The following SLU7 variants were observed in gnomAD, a reference collection of about 807,000 sequenced individuals.
The protein encoded by SLU7 is pre-mRNA-splicing factor SLU7.
A neutral mutation model predicts 87.0 loss-of-function variants in SLU7; 60 were observed. That is an observed-to-expected ratio of 0.69 (90% confidence interval 0.56 to 0.86). The LOEUF is 0.86. Among genes scored for constraint, SLU7 ranks in the 40% least tolerant of loss-of-function variants. SLU7 has a pLI of 0.00. For missense variants in SLU7, 507 were observed against 686.6 expected, an observed-to-expected ratio of 0.74 and a Z score of 2.92; for synonymous variants, 197 against 222.0, an observed-to-expected ratio of 0.89 and a Z score of 1.00.
At position 160,403,108 on chromosome 5, in the gene SLU7, T is replaced by G. The variant is rs1764854049; in HGVS notation, c.*177A>C. ...AAAAGCACACTTCATGTGCCTCTTCTTCTTTTCTTGTTTCCTCAGTATGGA... is the reference window on the plus strand; with the variant it reads ...AAAAGCACACTTCATGTGCCTCTTCGTCTTTTCTTGTTTCCTCAGTATGGA... On this transcript the variant is annotated 3_prime_UTR_variant, in exon 16 of 16. Transcript: ENST00000297151. 2.4e-6 allele frequency: 1 copy of G among 410,128 alleles called. No individual in the cohort carries two copies. The highest frequency in any genetic ancestry group is 2.1e-5 in the African/African-American group (1 of 48,746). 25.4% of individuals were successfully genotyped at this position (410,128 alleles called of 1,614,324 possible). A position where few individuals can be genotyped will look rare whatever the true frequency, so the allele number is the denominator to read the frequency against.
chr5:160,404,893 C>T lies in SLU7; in HGVS notation c.1393-13G>A, dbSNP rs1700975609. ...ACTCCTCAGAGTTCTGTGGGAAATA[C>T]ATGTAATTTGAGTTGAGTGTCATAG... On this transcript the variant is annotated splice_polypyrimidine_tract_variant and intron_variant, in intron 13 of 15. Transcript: ENST00000297151. 1 of 1,590,156 alleles carries T rather than the reference C, an allele frequency of 6.3e-7. No homozygotes were observed. Among genetic ancestry groups the T allele is most frequent in the Non-Finnish European group, 8.6e-7 (1 of 1,158,486 alleles).
Position 160,417,791 on chromosome 5 carries a change from CA to C in SLU7, c.-17+1231del, listed in dbSNP as rs33929783. Among the ~76,000 whole-genome samples, 2,129 of 111,156 alleles carry C rather than the reference CA, an allele frequency of 0.019. 100 individuals carry two copies. The East Asian group carries it at 0.22, about 12-fold the overall frequency. 72.9% of individuals were successfully genotyped at this position (111,156 alleles called of 152,430 possible). A position where few individuals can be genotyped will look rare whatever the true frequency, so the allele number is the denominator to read the frequency against. ...TGGGCGACAGAGCTAGACTACGTCT[CA>C]AAAAAAAAAAAAAAAAAATGACGCT... is the stretch of plus-strand genomic sequence containing the variant. On this transcript the variant is annotated intron_variant, in intron 1 of 15. Coordinates refer to ENST00000297151, the MANE Select transcript of SLU7 (RefSeq NM_006425.5).
chr5:160,415,228 C>T lies in SLU7; in HGVS notation c.67G>A (p.Glu23Lys), dbSNP rs763388307. Residue 23 changes from glutamate to lysine, a missense_variant, in exon 2 of 16, where the codon GAA (glutamate) becomes AAA (lysine). Physicochemically the swap from Glu to Lys is moderately conservative, Grantham distance 56. Coordinates refer to ENST00000297151, the MANE Select transcript of SLU7 (RefSeq NM_006425.5). ...PLSGSKEMSLEEPKKMTREDW... is the reference protein window; with the variant it reads ...PLSGSKEMSLKEPKKMTREDW... ...TCTCTGGTCATCTTCTTTGGTTCTTCCAAACTCATTTCTTTGGACCCCGAT... is the reference window on the plus strand; with the variant it reads ...TCTCTGGTCATCTTCTTTGGTTCTTTCAAACTCATTTCTTTGGACCCCGAT... The T allele has an allele frequency of 7.4e-6, 12 of 1,611,100 alleles. No individual in the cohort carries two copies. The highest frequency in any genetic ancestry group is 1.3e-5 in the African/African-American group (1 of 74,802).
chr5:160,414,269 G>A (rs764412032), intron 3 of SLU7, 50 bp downstream of exon 3: 2 of 1,421,872 alleles, frequency 1.4e-6, no homozygotes, highest in South Asian at 3.0e-5. Flanking sequence ...CTTACATTAA[G>A]TTCTTAAACT....
intron 6 of SLU7, among the ~76,000 whole-genome samples, chr5:160,410,166 G>A (rs1765172249): frequency 6.6e-6 from 1 of 152,062 alleles, no homozygotes; most frequent in Non-Finnish European, 1.5e-5. Flanking sequence ...AGGTATATGT[G>A]GACAAGAGAG....
rs1250561660 is a variant in SLU7, at chr5:160,407,131, A to G, written c.1125+345T>C. Among the ~76,000 whole-genome samples, 1 of 152,266 alleles carries G rather than the reference A, an allele frequency of 6.6e-6. No individual in the cohort carries two copies. The highest frequency in any genetic ancestry group is 1.5e-5 in the Non-Finnish European group (1 of 68,050). ...ACATGGGGTGGAGATGAGCTGTCCC[A>G]GAAGAGGTCCCCTTAGGACAATTAG... On this transcript the variant is annotated intron_variant, in intron 11 of 15. Transcript: ENST00000297151. The surrounding 1 kb of genome is among the most constrained non-coding windows in gnomAD (Gnocchi z 4.2).
In SLU7 at chr5:160,403,398, G is replaced by A. The variant is rs370833850; in HGVS notation, c.1648C>T (p.Arg550Trp). The change falls in exon 16 of 16, where the codon CGG becomes TGG. Residue 550 changes from arginine to tryptophan, a missense_variant. Transcript: ENST00000297151. ...GTTTCATACATGCTATTGTAAGGCC[G>A]CTTCCTCTCATCAATCTGCATGGTC... ...KETMQIDERK[R>W]PYNSMYETRE... 51 of 1,612,942 alleles carry A rather than the reference G, an allele frequency of 3.2e-5. No homozygotes were observed. Among genetic ancestry groups the A allele is most frequent in the East Asian group, 1.8e-4 (8 of 44,798 alleles).
rs764906146 is a variant in SLU7, at chr5:160,404,793, A to G, written c.1464+16T>C. On this transcript the variant is annotated intron_variant, in intron 14 of 15. Transcript: ENST00000297151. The stretch of plus-strand genomic sequence containing the variant: ...TCCAGGACTTAAAAATTCAGGACAA[A>G]TGATTATCAACTTACCTCCATGAGG... The G allele has an allele frequency of 2.5e-6, 4 of 1,579,152 alleles. No homozygotes were observed. Among genetic ancestry groups the G allele is most frequent in the Non-Finnish European group, 3.5e-6 (4 of 1,148,476 alleles).
intron 6 of SLU7, among the ~76,000 whole-genome samples, chr5:160,411,887 A>G (rs935337235): frequency 5.3e-5 from 8 of 152,198 alleles, no homozygotes; most frequent in Non-Finnish European, 8.8e-5. Flanking sequence ...AGAAAATACT[A>G]AAGAAATAGA....
chr5:160,402,526 T>TA lies in SLU7; in HGVS notation c.*758dup, dbSNP rs1403212136. 1 of 151,920 alleles carries TA rather than the reference T, an allele frequency of 6.6e-6. No homozygotes were observed. Among genetic ancestry groups the TA allele is most frequent in the African/African-American group, 2.4e-5 (1 of 41,360 alleles). The allele number at this position is 151,920 out of a possible 1,614,324, so 9.4% of individuals were successfully genotyped here. ...AGCAAGATCCTGTCTCTAAAAAAAA[T>TA]AAAAATAAATGTAGTCACAGAGTTG... is the stretch of plus-strand genomic sequence containing the variant. On this transcript the variant is annotated 3_prime_UTR_variant, in exon 16 of 16. Transcript: ENST00000297151.
In SLU7 at chr5:160,402,184, T is replaced by G. The variant is rs1484030496; in HGVS notation, c.*1101A>C. On this transcript the variant is annotated 3_prime_UTR_variant, in exon 16 of 16. Transcript: ENST00000297151. ...GCTGCTGGCTATAAATATTAGGATATTCTACAATTTAAAAAATCTAATATT... is the reference window on the plus strand; with the variant it reads ...GCTGCTGGCTATAAATATTAGGATAGTCTACAATTTAAAAAATCTAATATT... 3 of 152,208 alleles carry G rather than the reference T, an allele frequency of 2.0e-5. No individual in the cohort carries two copies. The South Asian group carries it at 6.2e-4, about 31-fold the overall frequency. 9.4% of individuals were successfully genotyped at this position (152,208 alleles called of 1,614,324 possible).
chr5:160,403,575 C>T (rs955147697), intron 15 of SLU7, 111 bp from the exon 16 acceptor site: 13 of 865,918 alleles, frequency 1.5e-5, no homozygotes, highest in East Asian at 1.1e-4. Context: ...CTATCAAAAA[C>T]GCAGATTGCC....
Position 160,413,889 on chromosome 5 carries a change from G to A in SLU7, c.405+10C>T. 6.4e-7 allele frequency: 1 copy of A among 1,572,114 alleles called. No individual in the cohort carries two copies. The highest frequency in any genetic ancestry group is 8.6e-7 in the Non-Finnish European group (1 of 1,161,214). On this transcript the variant is annotated intron_variant, in intron 4 of 15. Transcript: ENST00000297151. ...ACAACGGTTTTCAAAATTTTCAAAGGTGAACTTACCTCAAAGCAGTCTTTC... is the reference window on the plus strand; with the variant it reads ...ACAACGGTTTTCAAAATTTTCAAAGATGAACTTACCTCAAAGCAGTCTTTC...
intron 6 of SLU7, among the ~76,000 whole-genome samples, chr5:160,411,438 C>T (rs572005669): frequency 6.6e-6 from 1 of 152,066 alleles, no homozygotes; most frequent in Non-Finnish European, 1.5e-5. Context: ...AGGCTAGTCT[C>T]GAACTCCTGA....
intron 6 of SLU7, among the ~76,000 whole-genome samples, chr5:160,410,782 T>C (rs1399904840): frequency 3.3e-5 from 5 of 152,310 alleles, no homozygotes; most frequent in Middle Eastern, 3.4e-3. Context: ...CAGTGTTTAC[T>C]ATGTGATATG....
chr5:160,412,301 T>C lies in SLU7; in HGVS notation c.639+150A>G, dbSNP rs925252492. Reference sequence around the variant, plus strand: ...CTGACTGCATCAATTTATATTACTATGAACTGTATACAAAGTATCAGTTTT... The same window carrying C: ...CTGACTGCATCAATTTATATTACTACGAACTGTATACAAAGTATCAGTTTT... On this transcript the variant is annotated intron_variant, in intron 6 of 15. Transcript: ENST00000297151. 8 of 547,720 alleles carry C rather than the reference T, an allele frequency of 1.5e-5. No homozygotes were observed. In the African/African-American group the frequency reaches 1.6e-4, roughly 11 times the overall value. 33.9% of individuals were successfully genotyped at this position (547,720 alleles called of 1,614,324 possible). A position where few individuals can be genotyped will look rare whatever the true frequency, so the allele number is the denominator to read the frequency against.
rs1242561545 is a variant in SLU7 at position 160,405,022 on chromosome 5, ATTAC to A, written c.1392+5_1392+8del. 1 of 1,600,240 alleles carries A rather than the reference ATTAC, an allele frequency of 6.2e-7. No homozygotes were observed. The highest frequency in any genetic ancestry group is 1.1e-5 in the South Asian group (1 of 90,716). On this transcript the variant is annotated splice_donor_5th_base_variant and intron_variant, in intron 13 of 15. Coordinates refer to ENST00000297151, the MANE Select transcript of SLU7 (RefSeq NM_006425.5). ...TTTATACCTTTAAGAACCAAAGACA[ATTAC>A]TTACAACAATCTCCTTCCCAGCTTC...
chr5:160,410,432 C>T (rs531008782), intron 6 of SLU7, among the ~76,000 whole-genome samples: 7 of 152,004 alleles, frequency 4.6e-5, no homozygotes, highest in South Asian at 4.2e-4. Context: ...ATCCTGGGAG[C>T]GGGGAGAGAT....
chr5:160,404,423 T>C lies in SLU7; in HGVS notation c.1581+17A>G. The C allele has an allele frequency of 1.4e-6, 2 of 1,429,128 alleles. No individual in the cohort carries two copies. The highest frequency in any genetic ancestry group is 2.0e-6 in the Non-Finnish European group (2 of 1,022,584). 88.5% of individuals were successfully genotyped at this position (1,429,128 alleles called of 1,614,324 possible). A position where few individuals can be genotyped will look rare whatever the true frequency, so the allele number is the denominator to read the frequency against. ...ACTGCTACTTGTCACTTTTACTATT[T>C]AGACTTCACAAATTACCTTTTTCAA... On this transcript the variant is annotated intron_variant, in intron 15 of 15. Coordinates refer to ENST00000297151, the MANE Select transcript of SLU7 (RefSeq NM_006425.5).
Sources: allele counts gnomAD v4.1 joint callset (sites outside exome capture counted in the v4.1 genomes callset), GRCh38; gene constraint gnomAD v4.1.1; non-coding constraint Gnocchi (gnomAD v3.1); transcripts MANE v1.5; gene names NCBI Gene and HGNC (gene_info 2026-07-23, HGNC 2026-07-21).